CFAP65: variants seen among roughly 807,000 people sequenced by gnomAD.
The protein encoded by CFAP65 is cilia and flagella associated protein 65, also known as cilia- and flagella-associated protein 65.
In CFAP65, 155 loss-of-function variants were observed where a neutral mutation model predicts 208.0. The ratio of observed to expected loss-of-function variants is 0.75; its 90% CI spans 0.65 to 0.85. CFAP65 has a LOEUF of 0.85. Ranked by LOEUF, CFAP65 falls within the 40% of genes least tolerant of loss-of-function variation. CFAP65 has a pLI of 0.00. For missense variants in CFAP65, 2,294 were observed against 2,451.3 expected, an observed-to-expected ratio of 0.94 and a Z score of 1.36; for synonymous variants, 970 against 986.3, an observed-to-expected ratio of 0.98 and a Z score of 0.31.
At position 219,004,576 on chromosome 2, in the gene CFAP65, T is replaced by TGGC; in HGVS notation, c.5052-122_5052-121insGCC. 9.6e-7 allele frequency: 1 copy of TGGC among 1,045,144 alleles called. No homozygotes were observed. The highest frequency in any genetic ancestry group is 1.4e-6 in the Non-Finnish European group (1 of 723,940). 64.7% of individuals were successfully genotyped at this position (1,045,144 alleles called of 1,614,324 possible). ...CTGCTAGGTGGGGAGAGGGGAGCCC[T>TGGC]TGGTCAGTTGTTCCTCCTGTCCCTT... On this transcript the variant is annotated intron_variant, in intron 32 of 34. Coordinates refer to ENST00000341552, the MANE Select transcript of CFAP65 (RefSeq NM_194302.4). This position sits in a 1 kb window ranked among gnomAD's most constrained non-coding sequence, Gnocchi z 4.7.
Position 219,010,958 on chromosome 2 carries a change from T to C in CFAP65, c.3996A>G (p.Thr1332=), listed in dbSNP as rs761299814. 13 of 1,613,508 alleles carry C rather than the reference T, an allele frequency of 8.1e-6. No homozygotes were observed. In the Admixed American group the frequency reaches 1.7e-4, roughly 21 times the overall value. Residue 1332 remains threonine, a synonymous_variant, in exon 25 of 35, where the codon ACA becomes ACG. Transcript: ENST00000341552. ...ELYNGGSVPV[T]YEVQTDVLSQ... is the part of the protein sequence containing the mutation. ...ACAGGACATCGGTCTGGACCTCATA[T>C]GTCACGGGCACTGAGCCACCATTAT...
At chr2:219,029,933 C>T (rs1208969254) in intron 10 of CFAP65, 53 bp downstream of exon 10, 2 of 1,547,844 alleles carry the variant, frequency 1.3e-6, no homozygotes, top group African/African-American at 1.4e-5. Flanking sequence ...TCTTCAGAAT[C>T]CTCAGCAGGG....
chr2:219,028,455 G>A, intron 11 of CFAP65, 54 bp from the exon 12 acceptor site: 1 of 1,472,914 alleles, frequency 6.8e-7, no homozygotes, highest in East Asian at 2.3e-5. Context: ...AGGGCAAGGG[G>A]GGTGCTGGGG....
intron 21 of CFAP65, 184 bp from the exon 22 acceptor site, chr2:219,014,228 T>C: frequency 2.0e-6 from 1 of 500,438 alleles, no homozygotes; most frequent in Non-Finnish European, 3.5e-6. Flanking sequence ...CGTTTCATAA[T>C]GGCCCCAAAA....
rs779067104 is a variant in CFAP65, at chr2:219,010,913, A to G, written c.4041T>C (p.Asn1347=). The change falls in exon 25 of 35, where the codon AAT becomes AAC. Residue 1347 remains asparagine (N), a synonymous_variant. Coordinates refer to ENST00000341552, the MANE Select transcript of CFAP65 (RefSeq NM_194302.4). ...GGCAGCAAAAGATGGGGTGATCAAA[A>G]TTTTTTTCCTGAACCTGTGACAGGA... ...TDVLSQVQEK[N]FDHPIFCCLN... 3.7e-6 allele frequency: 6 copies of G among 1,613,808 alleles called. No homozygotes were observed. The highest frequency in any genetic ancestry group is 5.1e-6 in the Non-Finnish European group (6 of 1,180,002).
intron 13 of CFAP65, chr2:219,026,472 C>T (rs961571640): frequency 1.9e-4 from 48 of 247,658 alleles, no homozygotes; most frequent in Non-Finnish European, 3.4e-4. Flanking sequence ...AGAAATATCA[C>T]GTGAGCCACA....
At position 219,021,187 on chromosome 2, in the gene CFAP65, G is replaced by A. The variant is rs142452622; in HGVS notation, c.3224C>T (p.Ser1075Phe). ...TACPKQRSQYSWTITYSLLSH... is the reference protein window; with the variant it reads ...TACPKQRSQYFWTITYSLLSH... The stretch of plus-strand genomic sequence containing the variant: ...AAGGAGAGAGTAGGTGATGGTCCAG[G>A]AGTACTGGGACCGCTGCTTGGGACA... The change falls in exon 19 of 35, where the codon TCC (serine) becomes TTC (phenylalanine). Residue 1075 changes from serine to phenylalanine, a missense_variant. Physicochemically the swap from Ser to Phe is radical, Grantham distance 155. Coordinates refer to ENST00000341552, the MANE Select transcript of CFAP65 (RefSeq NM_194302.4). 156 of 1,601,998 alleles carry A rather than the reference G, an allele frequency of 9.7e-5. No individual in the cohort carries two copies. In the African/African-American group the frequency reaches 1.8e-3, roughly 19 times the overall value.
At chr2:219,017,875 C>T (rs1947011470) in intron 21 of CFAP65, among the ~76,000 whole-genome samples, 2 of 152,338 alleles carry the variant, frequency 1.3e-5, no homozygotes, top group East Asian at 1.9e-4. Flanking sequence ...GCCTTCCCCA[C>T]CAGGCTGGCA....
rs1052706813 is a variant in CFAP65, at chr2:219,024,472, G to A, written c.2350-212C>T. Among the ~76,000 whole-genome samples the A allele has an allele frequency of 7.0e-4, 87 of 124,712 alleles. 2 individuals carry two copies. The highest frequency in any genetic ancestry group is 3.7e-3 in the Middle Eastern group (1 of 272). 81.8% of individuals were successfully genotyped at this position (124,712 alleles called of 152,430 possible). On this transcript the variant is annotated intron_variant, in intron 14 of 34. Transcript: ENST00000341552. ...TTGTTCTCCAGAGACCTCCAGAAAG[G>A]GGCGGGGGGGGGGCAGGGGGGCGGG...
At chr2:219,005,677 C>T (rs1395206791) in intron 31 of CFAP65, 115 bp from the exon 32 acceptor site, 57 of 1,286,048 alleles carry the variant, frequency 4.4e-5, no homozygotes, top group Non-Finnish European at 5.8e-5. Context: ...TTGAGGCACT[C>T]CCAGCCTTAA....
Position 219,031,479 on chromosome 2 carries a change from T to C in CFAP65, c.815+10A>G, listed in dbSNP as rs1186579511. The C allele has an allele frequency of 6.2e-7, 1 of 1,614,016 alleles. No homozygotes were observed. Among genetic ancestry groups the C allele is most frequent in the Non-Finnish European group, 8.5e-7 (1 of 1,180,026 alleles). ...TTGCTCTCCCCGCCGCACCTCAGCC[T>C]CTTCCTCACCCCACATTATCCAGGC... is the stretch of plus-strand genomic sequence containing the variant. On this transcript the variant is annotated intron_variant, in intron 7 of 34. Transcript: ENST00000341552. This position sits in a 1 kb window ranked among gnomAD's most constrained non-coding sequence, Gnocchi z 5.2.
chr2:219,013,427 G>C (rs1946620582), intron 23 of CFAP65, 58 bp from the exon 24 acceptor site: 1 of 1,545,504 alleles, frequency 6.5e-7, no homozygotes, highest in African/African-American at 1.4e-5. Context: ...CTGGACCCCA[G>C]TTCCCCAGGA....
intron 29 of CFAP65, among the ~76,000 whole-genome samples, chr2:219,007,924 T>A (rs1209907765): frequency 6.6e-6 from 1 of 151,766 alleles, no homozygotes; most frequent in African/African-American, 2.4e-5. Context: ...GTTCAAGCGA[T>A]TCTCATGCCT....
chr2:219,031,401 C>T lies in CFAP65; in HGVS notation c.815+88G>A, dbSNP rs149905631. 1,144 of 1,607,818 alleles carry T rather than the reference C, an allele frequency of 7.1e-4. 8 individuals are homozygous for T. In the African/African-American group the frequency reaches 0.013, roughly 18 times the overall value. On this transcript the variant is annotated intron_variant, in intron 7 of 34. Transcript: ENST00000341552. The surrounding 1 kb of genome is among the most constrained non-coding windows in gnomAD (Gnocchi z 5.2). ...TGGGCAGAACCTCAGACTACCCTAC[C>T]CCGACAAGGGTATGCCTGTCTCTCC...
rs1402504545 is a variant in CFAP65 at position 219,032,566 on chromosome 2, G to A, written c.549C>T (p.Pro183=). The part of the protein sequence containing the change: ...LKLQKMKYRP[P]KTKFFFTVIP... ...TGACCGTGAAGAAGAACTTGGTCTT[G>A]GGGGGCCTGCAGGAGAGAGCCGGTG... Residue 183 remains proline (P), a synonymous_variant, in exon 6 of 35, where the codon CCC becomes CCT. Coordinates refer to ENST00000341552, the MANE Select transcript of CFAP65 (RefSeq NM_194302.4). This position sits in a 1 kb window ranked among gnomAD's most constrained non-coding sequence, Gnocchi z 5.5. 1 of 1,597,368 alleles carries A rather than the reference G, an allele frequency of 6.3e-7. No individual in the cohort carries two copies. The highest frequency in any genetic ancestry group is 1.7e-5 in the Admixed American group (1 of 57,706).
At position 219,004,838 on chromosome 2, in the gene CFAP65, G is replaced by C. The variant is rs1200630517; in HGVS notation, c.5052-383C>G. ...TCCTGGGGTGGGGGGGCCGGGGGGG[G>C]GGACCGTGGTGGGATCTTGCAAAGA... is the stretch of plus-strand genomic sequence containing the variant. On this transcript the variant is annotated intron_variant, in intron 32 of 34. Transcript: ENST00000341552. This position sits in a 1 kb window ranked among gnomAD's most constrained non-coding sequence, Gnocchi z 4.7. 7.0e-6 allele frequency among the ~76,000 whole-genome samples: 1 copy of C among 143,312 alleles called. No homozygotes were observed. Among genetic ancestry groups the C allele is most frequent in the Admixed American group, 6.9e-5 (1 of 14,544 alleles). The allele number at this position is 143,312 out of a possible 152,430, so 94.0% of individuals were successfully genotyped here.
rs150834784 is a variant in CFAP65 at position 219,032,471 on chromosome 2, G to A, written c.644C>T (p.Ala215Val). The A allele has an allele frequency of 4.8e-5, 76 of 1,585,458 alleles. No individual in the cohort carries two copies. In the African/African-American group the frequency reaches 7.9e-4, roughly 17 times the overall value. The change falls in exon 6 of 35, where the codon GCG (alanine) becomes GTG (valine). Residue 215 changes from alanine (A) to valine (V), a missense_variant and splice_region_variant. Around this residue, in one of 2 missense-constraint regions of CFAP65, gnomAD observed 867 missense variants for 1,012.6 expected, o/e 0.86. Transcript: ENST00000341552. This position sits in a 1 kb window ranked among gnomAD's most constrained non-coding sequence, Gnocchi z 5.5. ...CTCACTCGCTGTGGCAGACCTTACC[G>A]CCTCCAGAGGCCGGAAGACGATGGG... is the stretch of plus-strand genomic sequence containing the variant. Reference protein sequence around the residue: ...TLPIVFRPLEAKEYMDQLWFE... With the variant: ...TLPIVFRPLEVKEYMDQLWFE...
intron 21 of CFAP65, 77 bp from the exon 22 acceptor site, chr2:219,014,121 G>A (rs1303864168): frequency 8.5e-6 from 11 of 1,290,208 alleles, no homozygotes; most frequent in Non-Finnish European, 1.2e-5. Flanking sequence ...GACCCTGATG[G>A]GCAGGTGGAG....
rs545677853 is a variant in CFAP65 at position 219,004,995 on chromosome 2, CTCTT to C, written c.5051+435_5051+438del. 2.6e-4 allele frequency among the ~76,000 whole-genome samples: 37 copies of C among 140,828 alleles called. No homozygotes were observed. The East Asian group carries it at 2.9e-3, about 11-fold the overall frequency. 92.4% of individuals were successfully genotyped at this position (140,828 alleles called of 152,430 possible). On this transcript the variant is annotated intron_variant, in intron 32 of 34. Transcript: ENST00000341552. This position sits in a 1 kb window ranked among gnomAD's most constrained non-coding sequence, Gnocchi z 4.7. ...TTTCTTTCTCTCTTTCTGTCTTTGT[CTCTT>C]TCTTTCTTTCTCTTTTCTTTTCTTT...
Sources: gnomAD v4.1 joint callset for allele counts (sites outside exome capture counted in the v4.1 genomes callset) on GRCh38, gnomAD v4.1.1 for gene constraint, gnomAD v4.1.1 regional missense constraint, Gnocchi (gnomAD v3.1) non-coding constraint, MANE v1.5 for transcripts, NCBI Gene and HGNC (gene_info 2026-07-23, HGNC 2026-07-21) for gene names.